The following MED13L variants were observed in gnomAD, a reference collection of about 807,000 sequenced individuals.
MED13L encodes the protein mediator complex subunit 13L.
In MED13L, 7 loss-of-function variants were observed where a neutral mutation model predicts 220.9. The ratio of observed to expected loss-of-function variants is 0.03; its 90% CI spans 0.02 to 0.06. The LOEUF is 0.06. MED13L is among the 10% of genes least tolerant of loss of function. The pLI is 1.00. For synonymous variants in MED13L, 1,011 were observed against 1,015.2 expected (o/e 1.00, Z 0.08); for missense variants, 1,965 against 2,760.5 (o/e 0.71, Z 6.46).
chr12:116,036,306 C>G (rs553052854), intron 4 of MED13L, among the ~76,000 whole-genome samples: 8 of 152,102 alleles, frequency 5.3e-5, no homozygotes, highest in Non-Finnish European at 1.5e-5. Context: ...TAATATGTGT[C>G]TAGCTATTTA....
intron 2 of MED13L, among the ~76,000 whole-genome samples, chr12:116,208,374 C>A (rs1444650961): frequency 6.6e-6 from 1 of 151,958 alleles, no homozygotes; most frequent in Non-Finnish European, 1.5e-5. Context: ...CCAGCTTGGG[C>A]AACAAGAGCA....
chr12:116,127,004 A>C (rs920903235), intron 2 of MED13L, among the ~76,000 whole-genome samples: 1 of 152,074 alleles, frequency 6.6e-6, no homozygotes, highest in East Asian at 1.9e-4. Context: ...AAATATATAT[A>C]TTTTCCAAAT....
intron 2 of MED13L, among the ~76,000 whole-genome samples, chr12:116,234,608 T>C (rs971315909): frequency 3.3e-5 from 5 of 152,102 alleles, no homozygotes; most frequent in Non-Finnish European, 7.4e-5. Flanking sequence ...TTACAAATAA[T>C]GGTAATCTCA....
chr12:116,134,549 A>G (rs1482427159), intron 2 of MED13L, among the ~76,000 whole-genome samples: 2 of 152,204 alleles, frequency 1.3e-5, no homozygotes, highest in East Asian at 1.9e-4. Context: ...GCACTATTAT[A>G]GGGGCTGAAA....
Position 115,971,439 on chromosome 12 carries a change from C to T in MED13L, c.5890+639G>A, listed in dbSNP as rs1313226107. ...TATAAGGAATAAGTGGGGAAGGTCC[C>T]CCATTTGATTCAAGAAATATCTGGA... On this transcript the variant is annotated intron_variant, in intron 26 of 30. Coordinates refer to ENST00000281928, the MANE Select transcript of MED13L (RefSeq NM_015335.5). Among the ~76,000 whole-genome samples, 7 of 152,134 alleles carry T rather than the reference C, an allele frequency of 4.6e-5. No homozygotes were observed. The East Asian group carries it at 1.2e-3, about 25-fold the overall frequency.
At chr12:115,972,280 T>C (rs1013123709) in intron 25 of MED13L, 44 bp from the exon 26 acceptor site, 16 of 1,604,102 alleles carry the variant, frequency 1.0e-5, no homozygotes, top group Non-Finnish European at 1.4e-5. Flanking sequence ...TAGAAATTCA[T>C]ACTGATGGGA....
intron 1 of MED13L, among the ~76,000 whole-genome samples, chr12:116,272,288 C>T (rs1182834379): frequency 6.6e-6 from 1 of 152,086 alleles, no homozygotes; most frequent in South Asian, 2.1e-4. Context: ...GCTGGCCGGG[C>T]GCAGTGGCTC....
intron 29 of MED13L, 131 bp downstream of exon 29, chr12:115,965,948 GAGT>G (rs1876125773): frequency 1.1e-5 from 13 of 1,132,510 alleles, no homozygotes; most frequent in Middle Eastern, 3.0e-4. Context: ...AATTTCCTCA[GAGT>G]ATAAGTAGAT....
chr12:116,068,163 G>A (rs1446630292), intron 4 of MED13L, among the ~76,000 whole-genome samples: 1 of 152,090 alleles, frequency 6.6e-6, no homozygotes, highest in Non-Finnish European at 1.5e-5. Context: ...GGGTACAGGG[G>A]TTCTTCGTGA....
At position 115,999,088 on chromosome 12, in the gene MED13L, A is replaced by C. The variant is rs138589042; in HGVS notation, c.2570-1858T>G. Among the ~76,000 whole-genome samples, 376 of 152,302 alleles carry C rather than the reference A, an allele frequency of 2.5e-3. 3 individuals carry two copies. Among genetic ancestry groups the C allele is most frequent in the African/African-American group, 8.9e-3 (368 of 41,560 alleles). On this transcript the variant is annotated intron_variant, in intron 14 of 30. Transcript: ENST00000281928. ...GAACCAGATCAGTAAGTTTTCTTTA[A>C]AACAAAGCCAAGATCTTTAATATAA...
At chr12:116,082,302 T>C (rs540571567) in intron 4 of MED13L, among the ~76,000 whole-genome samples, 126 of 152,322 alleles carry the variant, frequency 8.3e-4, no homozygotes, top group African/African-American at 2.9e-3. Flanking sequence ...GGTATACTTA[T>C]GAGGAACAGG....
At position 115,985,776 on chromosome 12, in the gene MED13L, T is replaced by A. The variant is rs554769808; in HGVS notation, c.4338+490A>T. ...AAAGTTTCAGTATTAAGATGTCATG[T>A]TAAAACACAACAGGGACATTATTCA... On this transcript the variant is annotated intron_variant, in intron 19 of 30. Transcript: ENST00000281928. 3.4e-3 allele frequency among the ~76,000 whole-genome samples: 513 copies of A among 152,332 alleles called. 2 individuals are homozygous for A. Among genetic ancestry groups the A allele is most frequent in the Non-Finnish European group, 6.0e-3 (409 of 68,020 alleles).
chr12:116,034,096 T>C (rs1248607453), intron 4 of MED13L, among the ~76,000 whole-genome samples: 2 of 152,074 alleles, frequency 1.3e-5, no homozygotes, highest in Non-Finnish European at 2.9e-5. Flanking sequence ...ATATTTTCCA[T>C]GAAATTACCT....
In MED13L at chr12:115,966,187, G is replaced by A. The variant is rs1158334311; in HGVS notation, c.6282C>T (p.Pro2094=). 7 of 1,614,102 alleles carry A rather than the reference G, an allele frequency of 4.3e-6. No individual in the cohort carries two copies. The highest frequency in any genetic ancestry group is 2.7e-5 in the African/African-American group (2 of 75,028). ...TTGATACAAAATACCCAAGGGCCAGGGGCTGCTGCTTTAGCTCCTCTGGTG... is the reference window on the plus strand; with the variant it reads ...TTGATACAAAATACCCAAGGGCCAGAGGCTGCTGCTTTAGCTCCTCTGGTG... ...REAPEELKQQ[P]LALGYFVSTA... The change falls in exon 29 of 31, where the codon CCC becomes CCT. Residue 2094 remains proline (P), a synonymous_variant. Coordinates refer to ENST00000281928, the MANE Select transcript of MED13L (RefSeq NM_015335.5).
intron 4 of MED13L, among the ~76,000 whole-genome samples, chr12:116,027,118 G>C (rs1880442821): frequency 6.6e-6 from 1 of 152,062 alleles, no homozygotes; most frequent in South Asian, 2.1e-4. Context: ...TTTCTGAACA[G>C]ATCATTTAAA....
intron 4 of MED13L, among the ~76,000 whole-genome samples, chr12:116,043,191 C>A (rs1459464024): frequency 6.6e-6 from 1 of 152,088 alleles, no homozygotes; most frequent in African/African-American, 2.4e-5. Flanking sequence ...ACTCTGAATC[C>A]CTTCTGCATC....
chr12:115,973,601 C>T (rs1876734239), intron 25 of MED13L, among the ~76,000 whole-genome samples: 1 of 152,156 alleles, frequency 6.6e-6, no homozygotes, highest in African/African-American at 2.4e-5. Flanking sequence ...TATCCTCCCT[C>T]TTCTTTCCTA....
At chr12:116,050,622 TAATTTAAGTGTATAAGGA>T (rs1362963387) in intron 4 of MED13L, among the ~76,000 whole-genome samples, 1 of 152,186 alleles carries the variant, frequency 6.6e-6, no homozygotes, top group East Asian at 1.9e-4. Context: ...CAAGAGTCTC[TAATTTAAGTGTATAAGGA>T]AATTTACATC....
At chr12:116,000,812 G>A (rs953765254) in intron 14 of MED13L, among the ~76,000 whole-genome samples, 2 of 152,102 alleles carry the variant, frequency 1.3e-5, no homozygotes, top group African/African-American at 4.8e-5. Context: ...ATTCACAAAT[G>A]AATAATGAGG....
Sources: gnomAD v4.1 joint callset for allele counts (sites outside exome capture counted in the v4.1 genomes callset) on GRCh38, gnomAD v4.1.1 for gene constraint, MANE v1.5 for transcripts, NCBI Gene and HGNC (gene_info 2026-07-23, HGNC 2026-07-21) for gene names.